Variants in LAMA5 observed in about 807,000 individuals in gnomAD.
LAMA5 encodes laminin subunit alpha-5.
In LAMA5, 260 loss-of-function variants were observed where a neutral mutation model predicts 433.4. The ratio of observed to expected loss-of-function variants is 0.60; its 90% confidence interval spans 0.54 to 0.66. LAMA5 has a LOEUF of 0.66. Ranked by LOEUF, LAMA5 falls within the 30% of genes least tolerant of loss-of-function variation. The pLI is 0.00. For synonymous variants in LAMA5, 2,620 were observed against 2,226.6 expected (o/e 1.18, Z -4.97); for missense variants, 5,378 against 5,258.5 (o/e 1.02, Z -0.70).
rs1292202972 is a variant in LAMA5, at chr20:62,314,555, C to G, written c.8367G>C (p.Gln2789His). 1 of 1,607,530 alleles carries G rather than the reference C, an allele frequency of 6.2e-7. No homozygotes were observed. The highest frequency in any genetic ancestry group is 2.2e-5 in the East Asian group (1 of 44,798). The change falls in exon 61 of 80, where the codon CAG (glutamine) becomes CAC (histidine). Residue 2789 changes from glutamine to histidine, a missense_variant and splice_region_variant. By Grantham distance (24) the Gln-to-His change is conservative. Transcript: ENST00000252999. ...CGCATCCACCCAGCCAGCCTGGTAC[C>G]TGGCGGCTGCCCATGTACATCACAA... ...DRFVMYMGSRQATGDYMGVSL... is the reference protein window; with the variant it reads ...DRFVMYMGSRHATGDYMGVSL...
Position 62,323,480 on chromosome 20 carries a change from C to A in LAMA5, c.6040G>T (p.Ala2014Ser), listed in dbSNP as rs372254142. ...CGGGTGCAGTTGCCGGGCAGCAGGGCGTTGCCGTAGAAGCCGGGGGCACAG... is the reference window on the plus strand; with the variant it reads ...CGGGTGCAGTTGCCGGGCAGCAGGGAGTTGCCGTAGAAGCCGGGGGCACAG... ...EICAPGFYGNALLPGNCTRCD... is the reference protein window; with the variant it reads ...EICAPGFYGNSLLPGNCTRCD... The change falls in exon 45 of 80, where the codon GCC (alanine) becomes TCC (serine). Residue 2014 changes from alanine (A) to serine (S), a missense_variant. Coordinates refer to ENST00000252999, the MANE Select transcript of LAMA5 (RefSeq NM_005560.6). 3.2e-6 allele frequency: 5 copies of A among 1,546,600 alleles called. No homozygotes were observed. In the African/African-American group the frequency reaches 5.4e-5, roughly 17 times the overall value.
In LAMA5 at chr20:62,332,724, G is replaced by A. The variant is rs757304895; in HGVS notation, c.3283-7C>T. On this transcript the variant is annotated splice_polypyrimidine_tract_variant and splice_region_variant and intron_variant, in intron 26 of 79. Coordinates refer to ENST00000252999, the MANE Select transcript of LAMA5 (RefSeq NM_005560.6). ...CTTGAAGCTGGACGTCCACCTGCAG[G>A]GAAGGCAGGGTGACGGGAGGCCCGC... 4.3e-6 allele frequency: 7 copies of A among 1,609,474 alleles called. No homozygotes were observed. Among genetic ancestry groups the A allele is most frequent in the East Asian group, 2.2e-5 (1 of 44,828 alleles).
At chr20:62,317,130 G>A (rs1174992877) in intron 55 of LAMA5, 107 bp from the exon 56 acceptor site, 1 of 1,327,610 alleles carries the variant, frequency 7.5e-7, no homozygotes, top group South Asian at 1.5e-5. Context: ...TGCCCGCCAA[G>A]TCCCGCCTCC....
chr20:62,324,396 C>T lies in LAMA5; in HGVS notation c.5643+45G>A. 6.6e-7 allele frequency: 1 copy of T among 1,509,140 alleles called. No homozygotes were observed. Among genetic ancestry groups the T allele is most frequent in the African/African-American group, 1.4e-5 (1 of 72,788 alleles). The allele number at this position is 1,509,140 out of a possible 1,614,324, so 93.5% of individuals were successfully genotyped here. A position where few individuals can be genotyped will look rare whatever the true frequency, so the allele number is the denominator to read the frequency against. ...GTCTTCCCTGGCACACTTGACTGTG[C>T]CTTCAGTGAATGCTGCCCCCCTGGC... On this transcript the variant is annotated intron_variant, in intron 42 of 79. Transcript: ENST00000252999. This position sits in a 1 kb window ranked among gnomAD's most constrained non-coding sequence, Gnocchi z 4.4.
intron 11 of LAMA5, among the ~76,000 whole-genome samples, chr20:62,344,053 A>G (rs1982996294): frequency 6.6e-6 from 1 of 151,718 alleles, no homozygotes; most frequent in Non-Finnish European, 1.5e-5. Context: ...CTGAAGCAGA[A>G]GAATCGTTTG....
rs1392689362 is a variant in LAMA5, at chr20:62,321,699, G to T, written c.6496+320C>A. Among the ~76,000 whole-genome samples, 3 of 87,670 alleles carry T rather than the reference G, an allele frequency of 3.4e-5. No individual in the cohort carries two copies. The East Asian group carries it at 1.0e-3, about 30-fold the overall frequency. 57.5% of individuals were successfully genotyped at this position (87,670 alleles called of 152,430 possible). A position where few individuals can be genotyped will look rare whatever the true frequency, so the allele number is the denominator to read the frequency against. Reference sequence around the variant, plus strand: ...TCAGTGGAGGGGTGGGGTCAGTGGGGGAGGCAGGGCCAGCAGAGGGGTGGG... The same window carrying T: ...TCAGTGGAGGGGTGGGGTCAGTGGGTGAGGCAGGGCCAGCAGAGGGGTGGG... On this transcript the variant is annotated intron_variant, in intron 48 of 79. Transcript: ENST00000252999.
At chr20:62,310,394 G>A (rs770795823) in intron 76 of LAMA5, 25 bp downstream of exon 76, 2 of 1,583,018 alleles carry the variant, frequency 1.3e-6, no homozygotes, top group African/African-American at 1.4e-5. Flanking sequence ...CCCTGCTGAG[G>A]CCTGGGATGC....
Position 62,310,169 on chromosome 20 carries a change from C to G in LAMA5, c.10734+9G>C. On this transcript the variant is annotated intron_variant, in intron 77 of 79. Transcript: ENST00000252999. ...CCCTGCCCTGGCACGCCACCTCTGC[C>G]AGGCTTACTTGCTTCTCGGTCACCT... 6.2e-7 allele frequency: 1 copy of G among 1,612,314 alleles called. No individual in the cohort carries two copies. The highest frequency in any genetic ancestry group is 8.5e-7 in the Non-Finnish European group (1 of 1,179,954).
intron 28 of LAMA5, 124 bp downstream of exon 28, chr20:62,332,248 G>A (rs1980605466): frequency 1.2e-5 from 8 of 686,074 alleles, no homozygotes; most frequent in Admixed American, 2.3e-5. Flanking sequence ...ATGCTGGGCT[G>A]GGCATGAGCG....
In LAMA5 at chr20:62,362,441, G is replaced by C; in HGVS notation, c.409C>G (p.Leu137Val). The C allele has an allele frequency of 6.3e-7, 1 of 1,587,432 alleles. No individual in the cohort carries two copies. The highest frequency in any genetic ancestry group is 8.6e-7 in the Non-Finnish European group (1 of 1,163,492). ...GTGACGTTGACCTCGTTGTACTCCA[G>C]GCCGCGGGACAGCGGTGGACTCTGC... is the stretch of plus-strand genomic sequence containing the variant. Reference protein sequence around the residue: ...WWQSPPLSRGLEYNEVNVTLD... With the variant: ...WWQSPPLSRGVEYNEVNVTLD... Residue 137 changes from leucine (L) to valine (V), a missense_variant, in exon 2 of 80, where the codon CTG (leucine) becomes GTG (valine). Coordinates refer to ENST00000252999, the MANE Select transcript of LAMA5 (RefSeq NM_005560.6).
chr20:62,334,957 G>A (rs936578916), intron 20 of LAMA5, 64 bp downstream of exon 20: 5 of 1,501,224 alleles, frequency 3.3e-6, no homozygotes, highest in Middle Eastern at 3.4e-4. Flanking sequence ...CCGGGCCTTG[G>A]GTTCCCCAGC....
rs764729692 is a variant in LAMA5, at chr20:62,327,246, T to C, written c.5099A>G (p.Tyr1700Cys). The change falls in exon 38 of 80, where the codon TAC (tyrosine) becomes TGC (cysteine). Residue 1700 changes from tyrosine to cysteine, a missense_variant. Coordinates refer to ENST00000252999, the MANE Select transcript of LAMA5 (RefSeq NM_005560.6). ...TGCCCTGCTTACCCGGTCCCCCAGGTAGGAGGGTGGGGCCTGCCAGTACAG... is the reference window on the plus strand; with the variant it reads ...TGCCCTGCTTACCCGGTCCCCCAGGCAGGAGGGTGGGGCCTGCCAGTACAG... ...PELYWQAPPS[Y>C]LGDRVSSYGG... 1 of 1,517,108 alleles carries C rather than the reference T, an allele frequency of 6.6e-7. No individual in the cohort carries two copies. Among genetic ancestry groups the C allele is most frequent in the Non-Finnish European group, 8.8e-7 (1 of 1,135,112 alleles). 94.0% of individuals were successfully genotyped at this position (1,517,108 alleles called of 1,614,324 possible).
chr20:62,336,648 G>A (rs569669306), intron 17 of LAMA5, 86 bp downstream of exon 17: 15 of 1,492,884 alleles, frequency 1.0e-5, no homozygotes, highest in South Asian at 9.1e-5. Flanking sequence ...GCAGCAGGCA[G>A]GAAGCCCTGG....
At chr20:62,343,774 C>A (rs865977156) in intron 11 of LAMA5, among the ~76,000 whole-genome samples, 39 of 61,376 alleles carry the variant, frequency 6.4e-4, no homozygotes, top group South Asian at 4.1e-3. Context: ...GAAACTCCAT[C>A]AAAAAAAAAA....
Position 62,322,400 on chromosome 20 carries a change from C to T in LAMA5, c.6215G>A (p.Cys2072Tyr). The stretch of plus-strand genomic sequence containing the variant: ...CTCGGAGCCCTCGGCGGCCGGTCCA[C>T]AAGCACACGGGCGGCAGCCCCCGCA... The part of the protein sequence containing the change: ...DGCGGCRPCA[C>Y]GPAAEGSECH... The change falls in exon 47 of 80, where the codon TGT becomes TAT. Residue 2072 changes from cysteine (C) to tyrosine (Y), a missense_variant. Coordinates refer to ENST00000252999, the MANE Select transcript of LAMA5 (RefSeq NM_005560.6). 6.3e-7 allele frequency: 1 copy of T among 1,594,394 alleles called. No individual in the cohort carries two copies. The highest frequency in any genetic ancestry group is 8.5e-7 in the Non-Finnish European group (1 of 1,171,620).
chr20:62,336,653 C>A, intron 17 of LAMA5, 81 bp downstream of exon 17: 3 of 1,517,826 alleles, frequency 2.0e-6, no homozygotes, highest in Non-Finnish European at 2.7e-6. Flanking sequence ...AGGCAGGAAG[C>A]CCTGGTCTCA....
chr20:62,338,924 C>G (rs1982142254), intron 11 of LAMA5, among the ~76,000 whole-genome samples: 1 of 151,678 alleles, frequency 6.6e-6, no homozygotes, highest in Non-Finnish European at 1.5e-5. Context: ...GTAATCCCAG[C>G]TACTTGGGAG....
At chr20:62,351,132 T>G in intron 6 of LAMA5, 1 of 165,906 alleles carries the variant, frequency 6.0e-6, no homozygotes, top group Non-Finnish European at 1.3e-5. Flanking sequence ...GCACAGCAGA[T>G]GTGGGGTGTT....
intron 1 of LAMA5, 37 bp downstream of exon 1, chr20:62,366,897 TCCGGGTCCGAGTGCC>T (rs1231579896): frequency 1.2e-5 from 15 of 1,235,436 alleles, no homozygotes; most frequent in Non-Finnish European, 2.0e-6. Context: ...GGGCCGGTGT[TCCGGGTCCGAGTGCC>T]CCGGGAGGAA....
Sources: allele counts gnomAD v4.1 joint callset (sites outside exome capture counted in the v4.1 genomes callset), GRCh38; gene constraint gnomAD v4.1.1; non-coding constraint Gnocchi (gnomAD v3.1); transcripts MANE v1.5; gene names NCBI Gene and HGNC (gene_info 2026-07-23, HGNC 2026-07-21).